LRRC20: variants seen among roughly 807,000 people sequenced by gnomAD.
The protein encoded by LRRC20 is leucine rich repeat containing 20.
A neutral mutation model predicts 14.4 loss-of-function variants in LRRC20; 11 were observed. The ratio of observed to expected loss-of-function variants is 0.77; its 90% confidence interval spans 0.48 to 1.27. The LOEUF (loss-of-function observed/expected upper bound fraction) is 1.27, where lower values mean the gene tolerates loss of function less well. LRRC20 is among the 50% of genes most tolerant of loss of function. The pLI is 0.00. For synonymous variants in LRRC20, 121 were observed against 107.3 expected (o/e 1.13, Z -0.79); for missense variants, 219 against 251.2 (o/e 0.87, Z 0.87).
intron 2 of LRRC20, among the ~76,000 whole-genome samples, chr10:70,342,024 C>T (rs957941444): frequency 6.6e-5 from 10 of 151,908 alleles, no homozygotes; most frequent in African/African-American, 7.3e-5. Flanking sequence ...TTGGGCGGGG[C>T]GCAGTGGCTC....
chr10:70,346,582 T>A lies in LRRC20; in HGVS notation c.83-5880A>T, dbSNP rs114630045. Among the ~76,000 whole-genome samples, 275 of 152,320 alleles carry A rather than the reference T, an allele frequency of 1.8e-3. 1 individual carries two copies. Among genetic ancestry groups the A allele is most frequent in the African/African-American group, 6.2e-3 (258 of 41,566 alleles). ...TGTGTTGATTGTTTCTCTTGTTGAATCATTCATGTTACAGAGCGTAGGGTT... is the reference window on the plus strand; with the variant it reads ...TGTGTTGATTGTTTCTCTTGTTGAAACATTCATGTTACAGAGCGTAGGGTT... On this transcript the variant is annotated intron_variant, in intron 2 of 4. Transcript: ENST00000446961.
At chr10:70,375,383 G>A (rs1844467304) in intron 2 of LRRC20, among the ~76,000 whole-genome samples, 1 of 152,178 alleles carries the variant, frequency 6.6e-6, no homozygotes, top group South Asian at 2.1e-4. Flanking sequence ...AGGAGAAAGG[G>A]AGCAAAGGGT....
At chr10:70,311,177 A>G (rs1316780468) in intron 4 of LRRC20, among the ~76,000 whole-genome samples, 3 of 143,284 alleles carry the variant, frequency 2.1e-5, no homozygotes, top group African/African-American at 2.6e-5. Context: ...TACCACTTTG[A>G]CTCCTGTTCT....
chr10:70,341,751 G>A (rs1030891676), intron 2 of LRRC20, among the ~76,000 whole-genome samples: 7 of 152,148 alleles, frequency 4.6e-5, no homozygotes, highest in African/African-American at 1.7e-4. Flanking sequence ...CTGGGCAACA[G>A]AACAAGACTC....
chr10:70,350,857 G>A (rs1843276362), intron 2 of LRRC20, among the ~76,000 whole-genome samples: 1 of 152,146 alleles, frequency 6.6e-6, no homozygotes. Flanking sequence ...GAGACCGGGG[G>A]TCCTTTGGCC....
chr10:70,323,061 G>A lies in LRRC20; in HGVS notation c.400+802C>T, dbSNP rs565563789. On this transcript the variant is annotated intron_variant, in intron 4 of 4. Transcript: ENST00000446961. ...AAGCATGACTGAAGGGGGTTATTAT[G>A]AACATCATTGGCATTAGAACAGCAT... 4.6e-5 allele frequency among the ~76,000 whole-genome samples: 7 copies of A among 152,262 alleles called. No homozygotes were observed. In the East Asian group the frequency reaches 1.4e-3, roughly 30 times the overall value.
intron 4 of LRRC20, among the ~76,000 whole-genome samples, chr10:70,304,470 T>TTACATATATATATA (rs1651704849): frequency 8.8e-6 from 1 of 113,824 alleles, no homozygotes; most frequent in Non-Finnish European, 1.9e-5. Context: ...GGCCACTTCT[T>TTACATATATATATA]TATATATATA....
intron 2 of LRRC20, among the ~76,000 whole-genome samples, chr10:70,344,119 C>T (rs1376523255): frequency 6.6e-6 from 1 of 152,008 alleles, no homozygotes; most frequent in Non-Finnish European, 1.5e-5. Context: ...AAGAAGATCG[C>T]TTGAACCCAA....
At chr10:70,326,281 TCC>T (rs1842315767) in intron 3 of LRRC20, among the ~76,000 whole-genome samples, 1 of 121,154 alleles carries the variant, frequency 8.3e-6, no homozygotes, top group South Asian at 2.8e-4. Flanking sequence ...CCTGCCCCCT[TCC>T]CAGCGCCTCT....
intron 2 of LRRC20, among the ~76,000 whole-genome samples, chr10:70,360,331 G>C (rs1480351248): frequency 6.6e-6 from 1 of 151,974 alleles, no homozygotes; most frequent in African/African-American, 2.4e-5. Flanking sequence ...GGGATTACAG[G>C]TGTGAGTCAC....
chr10:70,314,797 C>T (rs1049247678), intron 4 of LRRC20, among the ~76,000 whole-genome samples: 5 of 152,120 alleles, frequency 3.3e-5, no homozygotes, highest in Non-Finnish European at 4.4e-5. Flanking sequence ...CTAGCAGGAG[C>T]GGGGCTGACT....
rs1042281915 is a variant in LRRC20 at position 70,300,839 on chromosome 10, G to C, written c.*515C>G. Reference sequence around the variant, plus strand: ...ACAGGACTGAAGACTGGGCCCTGCAGAGGGCCGCATCCAGGTCAGTTCTCA... The same window carrying C: ...ACAGGACTGAAGACTGGGCCCTGCACAGGGCCGCATCCAGGTCAGTTCTCA... On this transcript the variant is annotated 3_prime_UTR_variant, in exon 5 of 5. Transcript: ENST00000446961. The C allele has an allele frequency of 6.4e-5, 63 of 985,898 alleles. No individual in the cohort carries two copies. Among genetic ancestry groups the C allele is most frequent in the Non-Finnish European group, 7.5e-5 (62 of 830,394 alleles). 61.1% of individuals were successfully genotyped at this position (985,898 alleles called of 1,614,324 possible).
chr10:70,299,812 G>T lies in LRRC20; in HGVS notation c.*1542C>A, dbSNP rs1219129028. ...CCCAGAGTTTGACCAACCAGGCCTT[G>T]GGATACGAGCAGAATGAACAGAGTC... On this transcript the variant is annotated 3_prime_UTR_variant, in exon 5 of 5. Coordinates refer to ENST00000446961, the MANE Select transcript of LRRC20 (RefSeq NM_001278212.2). The T allele has an allele frequency of 1.3e-5, 2 of 152,240 alleles. No homozygotes were observed. Among genetic ancestry groups the T allele is most frequent in the African/African-American group, 4.8e-5 (2 of 41,424 alleles). The allele number at this position is 152,240 out of a possible 1,614,324, so 9.4% of individuals were successfully genotyped here. A position where few individuals can be genotyped will look rare whatever the true frequency, so the allele number is the denominator to read the frequency against.
chr10:70,337,780 G>A (rs142840154), intron 3 of LRRC20, among the ~76,000 whole-genome samples: 78 of 152,306 alleles, frequency 5.1e-4, no homozygotes, highest in African/African-American at 1.8e-3. Context: ...AATGTGTCCT[G>A]CAACCCTGGT....
chr10:70,340,701 G>C lies in LRRC20; in HGVS notation c.84C>G (p.Asp28Glu), dbSNP rs754716669. ...AGGAGACCAGCTTGCACTCGGCCAGGTCTGCAGCCAAAGAACAAAAACAAA... is the reference window on the plus strand; with the variant it reads ...AGGAGACCAGCTTGCACTCGGCCAGCTCTGCAGCCAAAGAACAAAAACAAA... The part of the protein sequence containing the change: ...ETVESGSDTL[D>E]LAECKLVSFP... Residue 28 changes from aspartate (D) to glutamate (E), a missense_variant and splice_region_variant, in exon 3 of 5, where the codon GAC (aspartate) becomes GAG (glutamate). Transcript: ENST00000446961. 1 of 1,614,022 alleles carries C rather than the reference G, an allele frequency of 6.2e-7. No individual in the cohort carries two copies. Among genetic ancestry groups the C allele is most frequent in the African/African-American group, 1.3e-5 (1 of 74,918 alleles).
rs375251215 is a variant in LRRC20 at position 70,306,735 on chromosome 10, A to G, written c.401-5227T>C. Among the ~76,000 whole-genome samples the G allele has an allele frequency of 2.0e-5, 3 of 152,112 alleles. No individual in the cohort carries two copies. In the East Asian group the frequency reaches 5.8e-4, roughly 29 times the overall value. On this transcript the variant is annotated intron_variant, in intron 4 of 4. Coordinates refer to ENST00000446961, the MANE Select transcript of LRRC20 (RefSeq NM_001278212.2). ...TCTTAAGAGCGTGCAAATATCCTAA[A>G]TGTTGGTTCTCACCAACATTTAGCA...
chr10:70,336,463 A>C (rs1842728730), intron 3 of LRRC20, among the ~76,000 whole-genome samples: 1 of 152,198 alleles, frequency 6.6e-6, no homozygotes, highest in African/African-American at 2.4e-5. Flanking sequence ...CAGGAAGCTA[A>C]ACAACAATCC....
At chr10:70,347,640 T>C (rs111299331) in intron 2 of LRRC20, among the ~76,000 whole-genome samples, 17,812 of 151,754 alleles carry the variant, frequency 0.12, 1,897 homozygotes, top group African/African-American at 0.28. Context: ...GCCAACATGG[T>C]GAAACCCCAT....
intron 3 of LRRC20, among the ~76,000 whole-genome samples, chr10:70,335,076 A>C (rs1279703085): frequency 6.6e-6 from 1 of 152,166 alleles, no homozygotes; most frequent in Non-Finnish European, 1.5e-5. Flanking sequence ...CCTGGCTCTG[A>C]GGAGGAAACC....
Sources: allele counts gnomAD v4.1 joint callset (sites outside exome capture counted in the v4.1 genomes callset), GRCh38; gene constraint gnomAD v4.1.1; transcripts MANE v1.5; gene names NCBI Gene and HGNC (gene_info 2026-07-23, HGNC 2026-07-21).